PTCHD1: variants seen among roughly 807,000 people sequenced by gnomAD.
PTCHD1 encodes the protein patched domain-containing protein 1.
A neutral mutation model predicts 34.6 loss-of-function variants in PTCHD1; 3 were observed. The observed-to-expected ratio is 0.09, with a 90% CI of 0.04 to 0.22. The LOEUF (loss-of-function observed/expected upper bound fraction) is 0.22. PTCHD1 is among the 10% of genes least tolerant of loss of function. The pLI is 1.00. For missense variants in PTCHD1, 504 were observed against 685.5 expected (o/e 0.74, Z 2.96); for synonymous variants, 305 against 283.1 (o/e 1.08, Z -0.77).
Position 23,399,210 on chromosome X carries a change from T to C in PTCHD1, c.*5025T>C, listed in dbSNP as rs1428011818. 9.0e-6 allele frequency: 1 copy of C among 111,536 alleles called. No homozygotes were observed. Among genetic ancestry groups the C allele is most frequent in the Non-Finnish European group, 1.9e-5 (1 of 53,154 alleles). The allele number at this position is 111,536 out of a possible 1,213,427, so 9.2% of individuals were successfully genotyped here. A position where few individuals can be genotyped will look rare whatever the true frequency, so the allele number is the denominator to read the frequency against. On this transcript the variant is annotated 3_prime_UTR_variant, in exon 3 of 3. Transcript: ENST00000379361. ...ATGAGAAAACTGAACCCTCGAGTAA[T>C]GAAATTATATTCACAGAGCTAATTA...
intron 1 of PTCHD1, chrX:23,351,069 A>G (rs749245801): frequency 7.5e-5 from 33 of 437,907 alleles, no homozygotes; most frequent in Middle Eastern, 1.4e-3. Flanking sequence ...GACAACTCCT[A>G]TGATTTGTCA....
chrX:23,376,879 A>G (rs993231111), intron 1 of PTCHD1, among the ~76,000 whole-genome samples: 1 of 112,350 alleles, frequency 8.9e-6, no homozygotes, highest in African/African-American at 3.2e-5. Context: ...TGCATCTTAC[A>G]GCAGCTCTGG....
rs200781626 is a variant in PTCHD1 at position 23,334,984 on chromosome X, A to G, written c.109A>G (p.Ile37Val). ...FFASAPVLIS[I>V]LLGASFSRYQ... Reference sequence around the variant, plus strand: ...CGCCTCGGCGCCGGTGCTCATCTCCATCCTGCTCGGCGCCAGCTTCAGCCG... The same window carrying G: ...CGCCTCGGCGCCGGTGCTCATCTCCGTCCTGCTCGGCGCCAGCTTCAGCCG... Residue 37 changes from isoleucine to valine, a missense_variant, in exon 1 of 3, where the codon ATC (isoleucine) becomes GTC (valine). Physicochemically the swap from Ile to Val is conservative, Grantham distance 29 (BLOSUM62 3). Coordinates refer to ENST00000379361, the MANE Select transcript of PTCHD1 (RefSeq NM_173495.3). 1.7e-6 allele frequency: 2 copies of G among 1,207,522 alleles called. No individual in the cohort carries two copies. Among genetic ancestry groups the G allele is most frequent in the East Asian group, 5.9e-5 (2 of 33,638 alleles).
In PTCHD1 at chrX:23,380,202, T is replaced by G; in HGVS notation, c.963T>G (p.Thr321=). The G allele has an allele frequency of 8.3e-7, 1 of 1,211,335 alleles. No individual in the cohort carries two copies. Among genetic ancestry groups the G allele is most frequent in the East Asian group, 3.0e-5 (1 of 33,837 alleles). Residue 321 remains threonine (T), a synonymous_variant, in exon 2 of 3, where the codon ACT becomes ACG. Transcript: ENST00000379361. ...CTGCAGCCGGGATCATCAATCTTAC[T>G]GGTGGGAAATATAATTCCACCTTCC... ...TLTAAGIINL[T]GGKYNSTFLG...
chrX:23,373,097 T>C (rs1309865335), intron 1 of PTCHD1, among the ~76,000 whole-genome samples: 2 of 112,609 alleles, frequency 1.8e-5, no homozygotes, highest in African/African-American at 3.2e-5. Context: ...GATACTGCAA[T>C]TGCATTTTCC....
Position 23,371,011 on chromosome X carries a change from C to A in PTCHD1, c.352-8580C>A, listed in dbSNP as rs759343381. Among the ~76,000 whole-genome samples, 11 of 111,007 alleles carry A rather than the reference C, an allele frequency of 9.9e-5. No individual in the cohort carries two copies. In the East Asian group the frequency reaches 3.1e-3, roughly 31 times the overall value. On this transcript the variant is annotated intron_variant, in intron 1 of 2. Transcript: ENST00000379361. ...CAGGACTCTTGGGGAGGAGGAGAGG[C>A]AGGAGGGGAAAGAACAAACACTGAC...
chrX:23,358,195 A>G (rs182869865), intron 1 of PTCHD1, among the ~76,000 whole-genome samples: 5 of 112,095 alleles, frequency 4.5e-5, no homozygotes, highest in Admixed American at 3.8e-4. Flanking sequence ...CGCTGGATCA[A>G]AAGGTATTTC....
chrX:23,391,480 T>C (rs778411606), intron 2 of PTCHD1, among the ~76,000 whole-genome samples: 1 of 111,631 alleles, frequency 9.0e-6, no homozygotes, highest in South Asian at 3.8e-4. Flanking sequence ...TTTTCTTCAC[T>C]GAAACTTCTT....
chrX:23,381,301 G>A (rs1377513493), intron 2 of PTCHD1, among the ~76,000 whole-genome samples: 6 of 112,354 alleles, frequency 5.3e-5, no homozygotes, highest in Admixed American at 1.9e-4. Context: ...ATCTGTTATC[G>A]AAAATGGCAT....
chrX:23,360,013 T>C (rs754438111), intron 1 of PTCHD1, among the ~76,000 whole-genome samples: 1 of 112,156 alleles, frequency 8.9e-6, no homozygotes, highest in Non-Finnish European at 1.9e-5. Context: ...TTGATTGTGG[T>C]GGATAACCTT....
At chrX:23,358,349 T>C (rs1040447998) in intron 1 of PTCHD1, among the ~76,000 whole-genome samples, 15 of 112,227 alleles carry the variant, frequency 1.3e-4, no homozygotes, top group South Asian at 3.8e-4. Flanking sequence ...ATGATTGCCA[T>C]TCTAACTGGT....
At chrX:23,365,579 G>A (rs778231312) in intron 1 of PTCHD1, among the ~76,000 whole-genome samples, 6 of 111,640 alleles carry the variant, frequency 5.4e-5, no homozygotes, top group Middle Eastern at 4.6e-3. Context: ...CAGTCACACT[G>A]GGGGAAGCTC....
chrX:23,353,492 G>A (rs1035877426), intron 1 of PTCHD1, among the ~76,000 whole-genome samples: 1 of 112,817 alleles, frequency 8.9e-6, no homozygotes, highest in African/African-American at 3.2e-5. Context: ...GGGAGGCTGA[G>A]GCAGGAGAAT....
chrX:23,358,147 G>C (rs1012691324), intron 1 of PTCHD1, among the ~76,000 whole-genome samples: 6 of 111,816 alleles, frequency 5.4e-5, no homozygotes, highest in African/African-American at 2.0e-4. Flanking sequence ...ATAGTAGCAT[G>C]ATTTATAATC....
chrX:23,391,029 T>C (rs750718287), intron 2 of PTCHD1, among the ~76,000 whole-genome samples: 4 of 111,595 alleles, frequency 3.6e-5, no homozygotes, highest in Non-Finnish European at 5.6e-5. Context: ...ACGGGTCACT[T>C]TGGTGAGCCT....
At chrX:23,386,034 T>C (rs1435879310) in intron 2 of PTCHD1, among the ~76,000 whole-genome samples, 3 of 111,005 alleles carry the variant, frequency 2.7e-5, no homozygotes, top group African/African-American at 9.8e-5. Flanking sequence ...TACTATCTGG[T>C]ATATAGGAGT....
chrX:23,342,324 TTTTTTTTTA>T (rs1346147446), intron 1 of PTCHD1, among the ~76,000 whole-genome samples: 1,349 of 49,094 alleles, frequency 0.027, 34 homozygotes, highest in African/African-American at 0.12. Flanking sequence ...TTTTTTTTTT[TTTTTTTTTA>T]AAAGAATTGG....
At chrX:23,360,997 C>T (rs1340066734) in intron 1 of PTCHD1, among the ~76,000 whole-genome samples, 1 of 112,276 alleles carries the variant, frequency 8.9e-6, no homozygotes, top group African/African-American at 3.2e-5. Flanking sequence ...AATTTGATTG[C>T]ACTGTGGTCT....
chrX:23,362,070 G>C (rs915484444), intron 1 of PTCHD1, among the ~76,000 whole-genome samples: 1 of 111,950 alleles, frequency 8.9e-6, no homozygotes, highest in Non-Finnish European at 1.9e-5. Context: ...TTTCTCTCTG[G>C]CTGCCCTTAA....
Sources: gnomAD v4.1 joint callset for allele counts (sites outside exome capture counted in the v4.1 genomes callset) on GRCh38, gnomAD v4.1.1 for gene constraint, MANE v1.5 for transcripts, NCBI Gene and HGNC (gene_info 2026-07-23, HGNC 2026-07-21) for gene names.